The following CDH12 variants were observed in gnomAD, a reference collection of about 807,000 sequenced individuals.
The protein encoded by CDH12 is cadherin 12.
In CDH12, 41 loss-of-function variants were observed where a neutral mutation model predicts 74.1. The ratio of observed to expected loss-of-function variants is 0.55; its 90% CI spans 0.43 to 0.72. The LOEUF (loss-of-function observed/expected upper bound fraction) is 0.72, where lower values mean the gene tolerates loss of function less well. Among genes scored for constraint, CDH12 ranks in the 30% least tolerant of loss-of-function variants. The pLI is 0.00. For missense variants in CDH12, 945 were observed against 977.2 expected (o/e 0.97, Z 0.44); for synonymous variants, 399 against 355.0 (o/e 1.12, Z -1.39).
chr5:22,440,028 CA>C (rs1433125492), intron 2 of CDH12, among the ~76,000 whole-genome samples: 1 of 151,996 alleles, frequency 6.6e-6, no homozygotes, highest in Non-Finnish European at 1.5e-5. Context: ...TGATGAGTGT[CA>C]AGTGTCTGCT....
At chr5:22,490,217 T>G (rs566712352) in intron 2 of CDH12, among the ~76,000 whole-genome samples, 1 of 152,148 alleles carries the variant, frequency 6.6e-6, no homozygotes, top group South Asian at 2.1e-4. Context: ...ATTACGCATA[T>G]CACTCACAGG....
At chr5:22,413,339 T>A (rs529501217) in intron 2 of CDH12, among the ~76,000 whole-genome samples, 1 of 152,020 alleles carries the variant, frequency 6.6e-6, no homozygotes, top group African/African-American at 2.4e-5. Flanking sequence ...TGGATAAACA[T>A]GGCTAGAAGA....
At chr5:22,443,510 A>G (rs1744704472) in intron 2 of CDH12, among the ~76,000 whole-genome samples, 1 of 152,138 alleles carries the variant, frequency 6.6e-6, no homozygotes, top group African/African-American at 2.4e-5. Context: ...GATTTTTAAA[A>G]CAGCCATGGA....
intron 3 of CDH12, among the ~76,000 whole-genome samples, chr5:22,258,769 A>G (rs1431116875): frequency 1.3e-5 from 2 of 152,154 alleles, no homozygotes; most frequent in Non-Finnish European, 2.9e-5. Flanking sequence ...AGTAAGTAAC[A>G]TGCTGTACAG....
At chr5:21,983,474 C>A (rs1017097578) in intron 5 of CDH12, among the ~76,000 whole-genome samples, 2 of 152,062 alleles carry the variant, frequency 1.3e-5, no homozygotes, top group African/African-American at 2.4e-5. Flanking sequence ...ATTTAGAACA[C>A]TGTCTCCGAG....
chr5:21,872,019 A>G lies in CDH12; in HGVS notation c.527-17229T>C, dbSNP rs560046379. On this transcript the variant is annotated intron_variant, in intron 6 of 14. Transcript: ENST00000382254. Reference sequence around the variant, plus strand: ...AGAATTATACATTTGTTAAGTCTTCATGAAATAATGAAAACCTTTAAGATG... The same window carrying G: ...AGAATTATACATTTGTTAAGTCTTCGTGAAATAATGAAAACCTTTAAGATG... Among the ~76,000 whole-genome samples the G allele has an allele frequency of 3.3e-5, 5 of 152,348 alleles. No individual in the cohort carries two copies. The South Asian group carries it at 1.0e-3, about 32-fold the overall frequency.
intron 5 of CDH12, among the ~76,000 whole-genome samples, chr5:22,025,675 T>C (rs1002188287): frequency 3.3e-5 from 5 of 152,164 alleles, no homozygotes; most frequent in African/African-American, 1.2e-4. Context: ...TGCTGCTTGA[T>C]AGCATTCTAT....
chr5:21,981,272 C>T (rs1757293501), intron 5 of CDH12, among the ~76,000 whole-genome samples: 1 of 125,200 alleles, frequency 8.0e-6, no homozygotes, highest in African/African-American at 4.9e-5. Context: ...CAGAATGTAT[C>T]CTTTTCTTCT....
intron 4 of CDH12, among the ~76,000 whole-genome samples, chr5:22,125,056 T>C (rs1205254278): frequency 1.3e-5 from 2 of 152,290 alleles, no homozygotes; most frequent in East Asian, 3.9e-4. Flanking sequence ...GTTACTTTTT[T>C]TTAAGTTTTT....
At chr5:22,235,931 C>G (rs1192955748) in intron 3 of CDH12, among the ~76,000 whole-genome samples, 1 of 152,174 alleles carries the variant, frequency 6.6e-6, no homozygotes, top group Non-Finnish European at 1.5e-5. Context: ...TCTATTGCTT[C>G]TAGGTTACAG....
intron 9 of CDH12, among the ~76,000 whole-genome samples, chr5:21,810,061 C>A (rs1009638713): frequency 5.3e-5 from 8 of 152,056 alleles, no homozygotes; most frequent in Non-Finnish European, 1.0e-4. Context: ...CATTGGTAGA[C>A]ATCGCAATGA....
chr5:22,595,358 G>A (rs934207495), intron 1 of CDH12, among the ~76,000 whole-genome samples: 3 of 151,966 alleles, frequency 2.0e-5, no homozygotes, highest in African/African-American at 4.8e-5. Flanking sequence ...AAGTTATTTT[G>A]GCATATGATT....
At chr5:22,232,213 C>T (rs189208749) in intron 3 of CDH12, among the ~76,000 whole-genome samples, 24 of 151,758 alleles carry the variant, frequency 1.6e-4, no homozygotes, top group Admixed American at 1.2e-3. Flanking sequence ...TATATAAAAA[C>T]AATTTTCTTG....
intron 5 of CDH12, among the ~76,000 whole-genome samples, chr5:22,052,012 C>T (rs1028902160): frequency 3.3e-5 from 5 of 152,090 alleles, no homozygotes; most frequent in Non-Finnish European, 5.9e-5. Context: ...TCTTTTATTA[C>T]ATGAAATATT....
intron 5 of CDH12, among the ~76,000 whole-genome samples, chr5:21,982,472 C>T (rs1250237719): frequency 1.3e-5 from 2 of 150,936 alleles, no homozygotes; most frequent in Admixed American, 6.6e-5. Context: ...TATATATATA[C>T]CTATATAGAG....
chr5:22,732,459 T>TACACACAC (rs1491477107), intron 1 of CDH12, among the ~76,000 whole-genome samples: 1 of 65,792 alleles, frequency 1.5e-5, no homozygotes, highest in African/African-American at 6.9e-5. Flanking sequence ...TGTGTGTGTA[T>TACACACAC]ATATATATAT....
intron 3 of CDH12, among the ~76,000 whole-genome samples, chr5:22,380,877 G>T (rs1040375830): frequency 1.3e-5 from 2 of 152,044 alleles, no homozygotes; most frequent in African/African-American, 4.8e-5. Context: ...TAAAAATCCT[G>T]GCTTACTGCC....
intron 1 of CDH12, among the ~76,000 whole-genome samples, chr5:22,603,304 A>G (rs1037779942): frequency 2.6e-5 from 4 of 152,202 alleles, no homozygotes; most frequent in Admixed American, 1.3e-4. Context: ...AGTTACTGCT[A>G]AGATGTTGGT....
chr5:22,692,547 C>T (rs1180738379), intron 1 of CDH12, among the ~76,000 whole-genome samples: 2 of 152,046 alleles, frequency 1.3e-5, no homozygotes, highest in Non-Finnish European at 2.9e-5. Flanking sequence ...CAAACATATG[C>T]TCCTGTAGAA....
Sources: gnomAD v4.1 joint callset for allele counts (sites outside exome capture counted in the v4.1 genomes callset) on GRCh38, gnomAD v4.1.1 for gene constraint, MANE v1.5 for transcripts, NCBI Gene and HGNC (gene_info 2026-07-23, HGNC 2026-07-21) for gene names.